C8A: variants seen among roughly 807,000 people sequenced by gnomAD.
C8A encodes complement C8 alpha chain.
C8A carries 67 observed loss-of-function variants against 65.3 expected under a neutral mutation model. The ratio of observed to expected loss-of-function variants is 1.03; its 90% CI spans 0.84 to 1.26. The LOEUF (loss-of-function observed/expected upper bound fraction) is 1.26, where lower values mean the gene tolerates loss of function less well. Ranked by LOEUF, C8A falls within the 50% of genes most tolerant of loss-of-function variation. C8A has a pLI of 0.00. For missense variants in C8A, 781 were observed against 723.9 expected (o/e 1.08, Z -0.90); for synonymous variants, 290 against 259.4 (o/e 1.12, Z -1.13).
intron 1 of C8A, among the ~76,000 whole-genome samples, chr1:56,860,985 G>T (rs950233532): frequency 2.0e-5 from 3 of 152,174 alleles, no homozygotes; most frequent in African/African-American, 7.2e-5. Context: ...GTTTTGTGTT[G>T]TTATAAAGGA....
intron 1 of C8A, among the ~76,000 whole-genome samples, chr1:56,862,094 G>A (rs2101189470): frequency 6.6e-6 from 1 of 152,296 alleles, no homozygotes; most frequent in South Asian, 2.1e-4. Context: ...TTTTGATGAA[G>A]ATGGGGTGGT....
intron 9 of C8A, 123 bp from the exon 10 acceptor site, chr1:56,912,280 T>C (rs1395208062): frequency 2.6e-6 from 2 of 777,530 alleles, no homozygotes; most frequent in African/African-American, 3.5e-5. Context: ...GTGGGATAAA[T>C]TGGGTGTCTG....
intron 7 of C8A, among the ~76,000 whole-genome samples, chr1:56,889,093 A>G (rs1000572960): frequency 6.6e-6 from 1 of 152,142 alleles, no homozygotes; most frequent in African/African-American, 2.4e-5. Flanking sequence ...AATATTCAAA[A>G]GGAGCCCACC....
Position 56,883,594 on chromosome 1 carries a change from A to G in C8A, c.768A>G (p.Pro256=), listed in dbSNP as rs1644265459. 1.2e-6 allele frequency: 2 copies of G among 1,613,894 alleles called. No individual in the cohort carries two copies. Among genetic ancestry groups the G allele is most frequent in the Admixed American group, 3.3e-5 (2 of 59,952 alleles). The change falls in exon 6 of 11, where the codon CCA becomes CCG. Residue 256 remains proline (P), a synonymous_variant. Coordinates refer to ENST00000361249, the MANE Select transcript of C8A (RefSeq NM_000562.3). ...TTGGAGTGACCATCGGCATAGGCCC[A>G]GCCGGCAGCCCTTTATTGGTGGGTG... ...DSFGVTIGIG[P]AGSPLLVGVG...
At chr1:56,900,370 C>T (rs1343988759) in intron 7 of C8A, among the ~76,000 whole-genome samples, 1 of 152,128 alleles carries the variant, frequency 6.6e-6, no homozygotes, top group African/African-American at 2.4e-5. Flanking sequence ...CCTAATTGTG[C>T]CAGACACGTT....
chr1:56,914,083 T>C (rs555892119), intron 10 of C8A, among the ~76,000 whole-genome samples: 271 of 147,242 alleles, frequency 1.8e-3, no homozygotes, highest in South Asian at 2.8e-3. Context: ...AACCTATGTA[T>C]TAAGAAGATC....
At chr1:56,906,006 C>T (rs1045018745) in intron 7 of C8A, among the ~76,000 whole-genome samples, 5 of 152,134 alleles carry the variant, frequency 3.3e-5, no homozygotes, top group Non-Finnish European at 4.4e-5. Flanking sequence ...AGATGGCTAA[C>T]GTGGGCCTGA....
At chr1:56,866,816 G>C (rs143166109) in intron 1 of C8A, among the ~76,000 whole-genome samples, 1 of 152,134 alleles carries the variant, frequency 6.6e-6, no homozygotes, top group Admixed American at 6.5e-5. Context: ...GGAAGTATAG[G>C]GTAAGAGAAG....
At chr1:56,888,171 G>T (rs2101253468) in intron 7 of C8A, among the ~76,000 whole-genome samples, 1 of 152,124 alleles carries the variant, frequency 6.6e-6, no homozygotes, top group Non-Finnish European at 1.5e-5. Context: ...TCCTTATCCA[G>T]ATAGCAAGAT....
chr1:56,891,190 A>G (rs1279808975), intron 7 of C8A, among the ~76,000 whole-genome samples: 1 of 152,068 alleles, frequency 6.6e-6, no homozygotes, highest in Non-Finnish European at 1.5e-5. Context: ...GATCCAAAGG[A>G]TAAGGAGATG....
chr1:56,915,998 C>T (rs1296602660), intron 10 of C8A, among the ~76,000 whole-genome samples: 1 of 152,164 alleles, frequency 6.6e-6, no homozygotes, highest in Non-Finnish European at 1.5e-5. Flanking sequence ...TCCAAGGGCC[C>T]TCAGAACCAG....
At chr1:56,867,009 A>G (rs1334628755) in intron 1 of C8A, among the ~76,000 whole-genome samples, 1 of 152,136 alleles carries the variant, frequency 6.6e-6, no homozygotes, top group Non-Finnish European at 1.5e-5. Flanking sequence ...GCTTTCTTAC[A>G]CTGTACATAA....
intron 7 of C8A, among the ~76,000 whole-genome samples, chr1:56,886,708 GGGCT>G (rs1644303220): frequency 6.6e-6 from 1 of 152,108 alleles, no homozygotes; most frequent in Admixed American, 6.5e-5. Context: ...CTCTGGGGGT[GGGCT>G]CACCTCTTCC....
intron 7 of C8A, among the ~76,000 whole-genome samples, chr1:56,886,558 C>T (rs1463838516): frequency 6.6e-6 from 1 of 152,028 alleles, no homozygotes; most frequent in African/African-American, 2.4e-5. Flanking sequence ...TCATCTCAGA[C>T]TCCTCCTTCT....
intron 7 of C8A, among the ~76,000 whole-genome samples, chr1:56,887,524 A>C (rs773825918): frequency 2.0e-5 from 3 of 152,156 alleles, no homozygotes; most frequent in Non-Finnish European, 2.9e-5. Context: ...GTCTGTTCAT[A>C]TCCTTTGCTC....
At chr1:56,886,414 A>G (rs1644300948) in intron 7 of C8A, among the ~76,000 whole-genome samples, 1 of 152,178 alleles carries the variant, frequency 6.6e-6, no homozygotes, top group Admixed American at 6.5e-5. Context: ...TATGCTTCTT[A>G]TTGCATCATA....
At chr1:56,904,916 C>T (rs1644452412) in intron 7 of C8A, among the ~76,000 whole-genome samples, 1 of 152,166 alleles carries the variant, frequency 6.6e-6, no homozygotes. Flanking sequence ...CATAATCACA[C>T]AACAGGCATC....
intron 2 of C8A, 139 bp from the exon 3 acceptor site, chr1:56,874,810 C>A: frequency 1.1e-6 from 1 of 921,384 alleles, no homozygotes; most frequent in Non-Finnish European, 1.7e-6. Context: ...GCATATTCAT[C>A]CCTCAAAAGA....
chr1:56,881,387 A>T, intron 4 of C8A, 58 bp from the exon 5 acceptor site: 1 of 1,555,082 alleles, frequency 6.4e-7, no homozygotes, highest in South Asian at 1.1e-5. Flanking sequence ...TCATCCCATC[A>T]CCCAGGTATA....
Sources: gnomAD v4.1 joint callset for allele counts (sites outside exome capture counted in the v4.1 genomes callset) on GRCh38, gnomAD v4.1.1 for gene constraint, MANE v1.5 for transcripts, NCBI Gene and HGNC (gene_info 2026-07-23, HGNC 2026-07-21) for gene names.